The following SEMA3D variants were observed in gnomAD, a reference collection of about 807,000 sequenced individuals.
SEMA3D encodes the protein semaphorin 3D.
SEMA3D carries 84 observed loss-of-function variants against 100.1 expected under a neutral mutation model. The observed-to-expected ratio is 0.84, with a 90% CI of 0.70 to 1.01. The LOEUF is 1.01. Among genes scored for constraint, SEMA3D ranks in the 50% least tolerant of loss-of-function variants. The pLI is 0.00. For synonymous variants in SEMA3D, 312 were observed against 320.7 expected, an observed-to-expected ratio of 0.97 and a Z score of 0.29; for missense variants, 875 against 934.1, an observed-to-expected ratio of 0.94 and a Z score of 0.82.
At position 85,118,865 on chromosome 7, in the gene SEMA3D, C is replaced by G. The variant is rs187389521; in HGVS notation, c.151+2876G>C. 2.2e-3 allele frequency among the ~76,000 whole-genome samples: 341 copies of G among 152,144 alleles called. 2 individuals carry two copies. The highest frequency in any genetic ancestry group is 3.5e-3 in the Non-Finnish European group (238 of 68,012). The stretch of plus-strand genomic sequence containing the variant: ...GGCAACTTCTTCATGAACTCTTTGC[C>G]CATGTGCTGAATGGTATTGCTTAGG... On this transcript the variant is annotated intron_variant, in intron 3 of 18. Coordinates refer to ENST00000284136, the MANE Select transcript of SEMA3D (RefSeq NM_001384900.1).
At chr7:85,077,037 C>T (rs1325273494) in intron 5 of SEMA3D, among the ~76,000 whole-genome samples, 2 of 147,298 alleles carry the variant, frequency 1.4e-5, no homozygotes, top group Non-Finnish European at 3.0e-5. Flanking sequence ...ACCCGGGCAG[C>T]AGAGGTTGCA....
chr7:85,117,828 TAG>T (rs1789289250), intron 3 of SEMA3D, among the ~76,000 whole-genome samples: 1 of 151,368 alleles, frequency 6.6e-6, no homozygotes, highest in South Asian at 2.1e-4. Context: ...ACCATATATA[TAG>T]ATACTATATA....
At chr7:85,179,672 T>A (rs991603847) in intron 1 of SEMA3D, among the ~76,000 whole-genome samples, 33 of 152,036 alleles carry the variant, frequency 2.2e-4, no homozygotes, top group African/African-American at 6.5e-4. Flanking sequence ...CTTTTTTTTT[T>A]TTTTTTTGAG....
At chr7:85,182,906 TG>T (rs2116582078) in intron 1 of SEMA3D, among the ~76,000 whole-genome samples, 1 of 152,302 alleles carries the variant, frequency 6.6e-6, no homozygotes, top group African/African-American at 2.4e-5. Context: ...AACAAGCCTA[TG>T]GCTACTCTTG....
intron 5 of SEMA3D, among the ~76,000 whole-genome samples, chr7:85,075,465 C>T (rs1362022279): frequency 1.3e-5 from 2 of 150,266 alleles, no homozygotes; most frequent in South Asian, 2.1e-4. Context: ...ATTTTATTTC[C>T]TTTCACTTTT....
chr7:85,239,270 T>C, the SEMA3D span, among the ~76,000 whole-genome samples: 2 of 152,126 alleles, frequency 1.3e-5, no homozygotes, highest in Non-Finnish European at 2.9e-5. Context: ...TGGGAAGTGA[T>C]TAAGTTGTAA....
At chr7:85,088,535 T>A (rs1199929067) in intron 4 of SEMA3D, among the ~76,000 whole-genome samples, 1 of 152,046 alleles carries the variant, frequency 6.6e-6, no homozygotes, top group Admixed American at 6.6e-5. Flanking sequence ...AAGAAAAAAA[T>A]GTCACTCTGA....
chr7:85,022,357 C>T (rs765674146), intron 13 of SEMA3D, 34 bp downstream of exon 13: 1 of 1,484,518 alleles, frequency 6.7e-7, no homozygotes, highest in Non-Finnish European at 9.4e-7. Context: ...TGAAAAATTC[C>T]TTTTGAAAAA....
the SEMA3D span, among the ~76,000 whole-genome samples, chr7:85,196,944 CT>C: frequency 2.0e-5 from 3 of 152,040 alleles, no homozygotes; most frequent in Non-Finnish European, 4.4e-5. Flanking sequence ...ATTTTTTTAT[CT>C]TGCCCAAATT....
At chr7:85,200,052 G>A in the SEMA3D span, among the ~76,000 whole-genome samples, 12 of 152,326 alleles carry the variant, frequency 7.9e-5, no homozygotes, top group South Asian at 2.5e-3. Flanking sequence ...TCCCACCCAT[G>A]TGGAACTGTA....
chr7:85,054,691 G>A (rs982081873), intron 9 of SEMA3D, among the ~76,000 whole-genome samples: 1 of 152,086 alleles, frequency 6.6e-6, no homozygotes, highest in African/African-American at 2.4e-5. Context: ...TGAGGGTACA[G>A]ATTGAAAGAA....
At chr7:85,050,990 A>G (rs1791148421) in intron 9 of SEMA3D, among the ~76,000 whole-genome samples, 1 of 151,918 alleles carries the variant, frequency 6.6e-6, no homozygotes, top group African/African-American at 2.4e-5. Context: ...TTTTGGGATT[A>G]AATTCACTGT....
rs996685633 is a variant in SEMA3D, at chr7:84,995,729, A to G, written c.*3711T>C. ...ATACCAGAATTAAATTACATGATTA[A>G]CTAGGGCATCTGACACATTTTGCCC... is the stretch of plus-strand genomic sequence containing the variant. On this transcript the variant is annotated 3_prime_UTR_variant, in exon 19 of 19. Transcript: ENST00000284136. 9 of 152,054 alleles carry G rather than the reference A, an allele frequency of 5.9e-5. No individual in the cohort carries two copies. Among genetic ancestry groups the G allele is most frequent in the Non-Finnish European group, 1.3e-4 (9 of 67,922 alleles). 9.4% of individuals were successfully genotyped at this position (152,054 alleles called of 1,614,324 possible). A position where few individuals can be genotyped will look rare whatever the true frequency, so the allele number is the denominator to read the frequency against.
At chr7:85,239,701 T>C in the SEMA3D span, among the ~76,000 whole-genome samples, 1 of 152,194 alleles carries the variant, frequency 6.6e-6, no homozygotes, top group Non-Finnish European at 1.5e-5. Flanking sequence ...TGAAGTTTTT[T>C]CACAAGTTCA....
chr7:85,195,567 C>T, the SEMA3D span, among the ~76,000 whole-genome samples: 5 of 152,094 alleles, frequency 3.3e-5, no homozygotes, highest in Admixed American at 2.0e-4. Context: ...CTCTTCTCAC[C>T]TCAGTCTCCT....
chr7:85,170,078 C>T (rs768576117), intron 1 of SEMA3D, among the ~76,000 whole-genome samples: 13 of 151,350 alleles, frequency 8.6e-5, no homozygotes, highest in Non-Finnish European at 1.2e-4. Flanking sequence ...AAAGAGAGAG[C>T]GAGAAAGAAG....
chr7:85,215,483 T>A, the SEMA3D span, among the ~76,000 whole-genome samples: 1 of 152,086 alleles, frequency 6.6e-6, no homozygotes, highest in African/African-American at 2.4e-5. Context: ...TTCTATGCCC[T>A]CCCCAAAACA....
chr7:85,122,347 C>G (rs76904500), intron 2 of SEMA3D, among the ~76,000 whole-genome samples: 3,209 of 152,090 alleles, frequency 0.021, 67 homozygotes, highest in South Asian at 0.082. Flanking sequence ...TCTTGTTTTA[C>G]TCTTATAGAA....
intron 1 of SEMA3D, chr7:85,157,596 T>C (rs1790635148): frequency 3.5e-6 from 3 of 854,580 alleles, no homozygotes; most frequent in Non-Finnish European, 4.2e-6. Context: ...TTGTTACTTG[T>C]ATTTTGCAAG....
Sources: gnomAD v4.1 joint callset for allele counts (sites outside exome capture counted in the v4.1 genomes callset) on GRCh38, gnomAD v4.1.1 for gene constraint, MANE v1.5 for transcripts, NCBI Gene and HGNC (gene_info 2026-07-23, HGNC 2026-07-21) for gene names.